The following DNAH10 variants were observed in gnomAD, a reference collection of about 807,000 sequenced individuals.
DNAH10 encodes the protein axonemal beta dynein heavy chain 10.
In DNAH10, 348 loss-of-function variants were observed where a neutral mutation model predicts 506.6. The observed-to-expected ratio is 0.69, with a 90% confidence interval of 0.63 to 0.75. The LOEUF is 0.75. DNAH10 is among the 30% of genes least tolerant of loss of function. DNAH10 has a pLI of 0.00. For missense variants in DNAH10, 5,179 were observed against 5,787.1 expected, an observed-to-expected ratio of 0.89 and a Z score of 3.41; for synonymous variants, 2,059 against 2,198.6, an observed-to-expected ratio of 0.94 and a Z score of 1.78.
chr12:123,766,821 T>G (rs1039056518), intron 1 of DNAH10, among the ~76,000 whole-genome samples: 1 of 152,190 alleles, frequency 6.6e-6, no homozygotes, highest in Non-Finnish European at 1.5e-5. Flanking sequence ...AAAAAAGTAG[T>G]TGTACTCCCT....
chr12:123,808,734 A>G (rs1958810847), intron 18 of DNAH10, 63 bp from the exon 19 acceptor site: 2 of 1,561,980 alleles, frequency 1.3e-6, no homozygotes, highest in South Asian at 1.2e-5. Flanking sequence ...ATTTCCATCA[A>G]TTGCTTGGTG....
chr12:123,831,904 C>CAA (rs1160149296), intron 26 of DNAH10, among the ~76,000 whole-genome samples: 1 of 76,454 alleles, frequency 1.3e-5, no homozygotes. Context: ...GACTCTGTCT[C>CAA]AAAAAAAAAA....
intron 37 of DNAH10, among the ~76,000 whole-genome samples, chr12:123,858,156 T>A (rs1253651896): frequency 6.6e-6 from 1 of 152,156 alleles, no homozygotes; most frequent in Non-Finnish European, 1.5e-5. Flanking sequence ...CACCTCACCT[T>A]TTTTTTCTCC....
At chr12:123,829,816 A>T (rs918530593) in intron 25 of DNAH10, among the ~76,000 whole-genome samples, 21 of 144,608 alleles carry the variant, frequency 1.5e-4, no homozygotes, top group Non-Finnish European at 2.5e-4. Flanking sequence ...TGCCTTACTC[A>T]CACCCATTCC....
Position 123,931,839 on chromosome 12 carries a change from C to T in DNAH10, c.13120C>T (p.Leu4374Phe). The change falls in exon 75 of 79, where the codon CTT (leucine) becomes TTT (phenylalanine). Residue 4374 changes from leucine (L) to phenylalanine (F), a missense_variant. Around this residue, in one of 3 missense-constraint regions of DNAH10, gnomAD observed 4,844 missense variants for 5,430.5 expected, o/e 0.89. Transcript: ENST00000673944. Reference protein sequence around the residue: ...VVRMTKSLAELQRALAGEVGM... With the variant: ...VVRMTKSLAEFQRALAGEVGM... ...CCGGATGACGAAGTCTCTGGCTGAACTTCAAAGGGTGAGCCTGTCTCTCAT... is the reference window on the plus strand; with the variant it reads ...CCGGATGACGAAGTCTCTGGCTGAATTTCAAAGGGTGAGCCTGTCTCTCAT... 2 of 1,614,006 alleles carry T rather than the reference C, an allele frequency of 1.2e-6. No individual in the cohort carries two copies. The highest frequency in any genetic ancestry group is 8.5e-7 in the Non-Finnish European group (1 of 1,179,880).
At chr12:123,800,683 A>C (rs76438036) in intron 15 of DNAH10, among the ~76,000 whole-genome samples, 1 of 141,248 alleles carries the variant, frequency 7.1e-6, no homozygotes, top group Non-Finnish European at 1.6e-5. Flanking sequence ...GCCTGTATCC[A>C]AAAAAAAAAA....
chr12:123,928,859 C>T lies in DNAH10; in HGVS notation c.12306+272C>T, dbSNP rs906516077. ...GCTACTTTTCATAAACTTCACGGCC[C>T]CCCCCCCCACACACAGCCTGCAGTT... On this transcript the variant is annotated intron_variant, in intron 70 of 78. Coordinates refer to ENST00000673944, the MANE Select transcript of DNAH10 (RefSeq NM_001372106.1). This position sits in a 1 kb window ranked among gnomAD's most constrained non-coding sequence, Gnocchi z 4.9. 9 of 462,502 alleles carry T rather than the reference C, an allele frequency of 1.9e-5. No homozygotes were observed. Among genetic ancestry groups the T allele is most frequent in the Admixed American group, 8.2e-5 (2 of 24,246 alleles). The allele number at this position is 462,502 out of a possible 1,614,324, so 28.6% of individuals were successfully genotyped here.
chr12:123,801,460 T>G (rs762805355), intron 16 of DNAH10, 28 bp downstream of exon 16: 1 of 1,602,416 alleles, frequency 6.2e-7, no homozygotes, highest in Non-Finnish European at 8.5e-7. Flanking sequence ...TTGATTGCCT[T>G]TTAGACTTGG....
Position 123,772,957 on chromosome 12 carries a change from C to CGT in DNAH10, c.505+24_505+25dup. ...AAATACCAAAGGTACATTTCTGGCA[C>CGT]GTGTGTGTGTATGTGTGTTGAGGGG... On this transcript the variant is annotated intron_variant, in intron 4 of 78. Coordinates refer to ENST00000673944, the MANE Select transcript of DNAH10 (RefSeq NM_001372106.1). The CGT allele has an allele frequency of 4.4e-6, 7 of 1,579,354 alleles. No individual in the cohort carries two copies. The highest frequency in any genetic ancestry group is 2.2e-5 in the East Asian group (1 of 44,668).
At chr12:123,772,972 G>A (rs747928868) in intron 4 of DNAH10, 30 bp downstream of exon 4, 9 of 1,492,176 alleles carry the variant, frequency 6.0e-6, no homozygotes, top group East Asian at 2.3e-5. Context: ...GTGTGTATGT[G>A]TGTTGAGGGG....
Position 123,907,909 on chromosome 12 carries a change from G to T in DNAH10, c.9816-1352G>T, listed in dbSNP as rs112702782. On this transcript the variant is annotated intron_variant, in intron 57 of 78. Coordinates refer to ENST00000673944, the MANE Select transcript of DNAH10 (RefSeq NM_001372106.1). This position sits in a 1 kb window ranked among gnomAD's most constrained non-coding sequence, Gnocchi z 4.4. The stretch of plus-strand genomic sequence containing the variant: ...ATCACTGGGCTTTGTGCTGAAGTGT[G>T]GGCGCCCTCCCTCCTGGCTGTTGCC... Among the ~76,000 whole-genome samples the T allele has an allele frequency of 5.8e-4, 89 of 152,278 alleles. No homozygotes were observed. Among genetic ancestry groups the T allele is most frequent in the African/African-American group, 2.0e-3 (85 of 41,550 alleles).
chr12:123,866,032 C>A lies in DNAH10; in HGVS notation c.7126C>A (p.Arg2376=). 2.5e-6 allele frequency: 4 copies of A among 1,611,180 alleles called. No individual in the cohort carries two copies. Among genetic ancestry groups the A allele is most frequent in the Admixed American group, 1.7e-5 (1 of 59,252 alleles). ...TGTGGATCCTAAAAACTTGAAATATCGACCATACTGGAAAAAATGGGTTAA... is the reference window on the plus strand; with the variant it reads ...TGTGGATCCTAAAAACTTGAAATATAGACCATACTGGAAAAAATGGGTTAA... The part of the protein sequence containing the change: ...VYVDPKNLKY[R]PYWKKWVNQI... The change falls in exon 41 of 79, where the codon CGA becomes AGA. Residue 2376 remains arginine (R), a synonymous_variant. Transcript: ENST00000673944.
intron 77 of DNAH10, chr12:123,934,250 G>A: frequency 1.4e-6 from 1 of 699,280 alleles, no homozygotes; most frequent in East Asian, 2.7e-5. Flanking sequence ...GGCTCACAGG[G>A]TAGCTGGGGT....
intron 51 of DNAH10, among the ~76,000 whole-genome samples, chr12:123,885,576 T>C (rs1273190570): frequency 6.6e-6 from 1 of 152,150 alleles, no homozygotes; most frequent in Non-Finnish European, 1.5e-5. Flanking sequence ...GATTTCGCAC[T>C]GGGAAGGTTG....
rs1211743958 is a variant in DNAH10, at chr12:123,860,930, A to G, written c.6750-82A>G. 16 of 1,587,122 alleles carry G rather than the reference A, an allele frequency of 1.0e-5. No homozygotes were observed. The Admixed American group carries it at 2.5e-4, about 25-fold the overall frequency. On this transcript the variant is annotated intron_variant, in intron 38 of 78. Transcript: ENST00000673944. ...ATTTTGGATTAAAGTCAAAACATCTAATTCCTCATAGAGGGAACCCAGACT... is the reference window on the plus strand; with the variant it reads ...ATTTTGGATTAAAGTCAAAACATCTGATTCCTCATAGAGGGAACCCAGACT...
intron 72 of DNAH10, 75 bp downstream of exon 72, chr12:123,929,834 C>A: frequency 7.2e-7 from 1 of 1,394,404 alleles, no homozygotes; most frequent in Admixed American, 2.0e-5. Flanking sequence ...CTATTTTCCT[C>A]TGAGCCCTCA....
At chr12:123,782,411 C>CTTTTTT (rs935250437) in intron 6 of DNAH10, among the ~76,000 whole-genome samples, 1 of 86,048 alleles carries the variant, frequency 1.2e-5, no homozygotes, top group Non-Finnish European at 2.1e-5. Context: ...TTCTTTCTTT[C>CTTTTTT]TTTTTTTTTT....
intron 56 of DNAH10, among the ~76,000 whole-genome samples, chr12:123,900,429 C>T (rs1043433414): frequency 3.9e-5 from 6 of 152,156 alleles, no homozygotes; most frequent in Non-Finnish European, 8.8e-5. Context: ...ACCCCTGCCT[C>T]GAAGAAGCTC....
chr12:123,807,977 TGAGAGG>T (rs1958769626), intron 18 of DNAH10, among the ~76,000 whole-genome samples: 1 of 138,370 alleles, frequency 7.2e-6, no homozygotes, highest in East Asian at 2.2e-4. Context: ...GGAGGTGGAG[TGAGAGG>T]GAGAGGGAGA....
Sources: allele counts gnomAD v4.1 joint callset (sites outside exome capture counted in the v4.1 genomes callset), GRCh38; gene constraint gnomAD v4.1.1; regional missense constraint gnomAD v4.1.1; non-coding constraint Gnocchi (gnomAD v3.1); transcripts MANE v1.5; gene names NCBI Gene and HGNC (gene_info 2026-07-23, HGNC 2026-07-21).